CHEK1: variants seen among roughly 807,000 people sequenced by gnomAD.
CHEK1 encodes checkpoint kinase 1, also known as serine/threonine-protein kinase Chk1.
In CHEK1, 32 loss-of-function variants were observed where a neutral mutation model predicts 60.2. The ratio of observed to expected loss-of-function variants is 0.53; its 90% CI spans 0.40 to 0.71. The LOEUF is 0.71. Ranked by LOEUF, CHEK1 falls within the 30% of genes least tolerant of loss-of-function variation. The probability of loss-of-function intolerance (pLI) is 0.00; values close to 1 mark genes in which losing one functional copy is unlikely to be tolerated. For synonymous variants in CHEK1, 179 were observed against 187.2 expected (o/e 0.96, Z 0.36); for missense variants, 399 against 564.6 (o/e 0.71, Z 2.97).
intron 13 of CHEK1, among the ~76,000 whole-genome samples, chr11:125,673,466 G>A (rs1053308205): frequency 3.7e-5 from 5 of 136,168 alleles, no homozygotes; most frequent in Admixed American, 1.5e-4. Context: ...CTCCCAAAGC[G>A]CTGGGATTAC....
chr11:125,661,232 TTC>T (rs1472211740), downstream of CHEK1, among the ~76,000 whole-genome samples: 1 of 152,206 alleles, frequency 6.6e-6, no homozygotes, highest in East Asian at 1.9e-4. Flanking sequence ...TTGGATTTAT[TTC>T]TATCATCTTA....
intron 13 of CHEK1, among the ~76,000 whole-genome samples, chr11:125,664,721 G>A (rs904504675): frequency 6.6e-6 from 1 of 152,070 alleles, no homozygotes; most frequent in African/African-American, 2.4e-5. Context: ...CTCCCATTCT[G>A]TAGGTTGTCT....
At chr11:125,631,023 C>G (rs1435054140) in intron 5 of CHEK1, among the ~76,000 whole-genome samples, 1 of 152,014 alleles carries the variant, frequency 6.6e-6, no homozygotes, top group East Asian at 1.9e-4. Context: ...TCTGTTTATA[C>G]AAAGTTCAAA....
chr11:125,626,897 T>G (rs1940638286), intron 2 of CHEK1, 64 bp downstream of exon 2: 1 of 1,519,534 alleles, frequency 6.6e-7, no homozygotes, highest in African/African-American at 1.4e-5. Context: ...AGTCTCACAC[T>G]CTGGTGATTT....
chr11:125,626,575 G>A, intron 1 of CHEK1, 174 bp from the exon 2 acceptor site: 1 of 593,494 alleles, frequency 1.7e-6, no homozygotes, highest in South Asian at 2.2e-5. Flanking sequence ...ACGACAAAAT[G>A]GTCAGGTTTA....
At chr11:125,632,745 G>T (rs1261728797) in intron 5 of CHEK1, among the ~76,000 whole-genome samples, 1 of 152,112 alleles carries the variant, frequency 6.6e-6, no homozygotes, top group Non-Finnish European at 1.5e-5. Flanking sequence ...TGCCAACTGG[G>T]TTTGTTTGCT....
downstream of CHEK1, among the ~76,000 whole-genome samples, chr11:125,657,497 T>C (rs1281339703): frequency 6.6e-6 from 1 of 152,148 alleles, no homozygotes; most frequent in African/African-American, 2.4e-5. Flanking sequence ...AAATAGACTT[T>C]GGTGATAATC....
chr11:125,633,291 C>G lies in CHEK1; in HGVS notation c.553C>G (p.His185Asp). The G allele has an allele frequency of 6.2e-7, 1 of 1,606,650 alleles. No individual in the cohort carries two copies. The highest frequency in any genetic ancestry group is 1.3e-5 in the African/African-American group (1 of 74,512). ...APELLKRREF[H>D]AEPVDVWSCG... ...AGAACTTCTGAAGAGAAGAGAATTT[C>G]ATGCAGAACCAGTTGATGTTTGGTC... The change falls in exon 6 of 13, where the codon CAT becomes GAT. Residue 185 changes from histidine to aspartate, a missense_variant. Around this residue, in one of 2 missense-constraint regions of CHEK1, gnomAD observed 370 missense variants for 494.8 expected, o/e 0.75. Coordinates refer to ENST00000438015, the MANE Select transcript of CHEK1 (RefSeq NM_001114122.3).
Position 125,653,867 on chromosome 11 carries a change from T to A in CHEK1, c.1335+20T>A. On this transcript the variant is annotated intron_variant, in intron 12 of 12. Coordinates refer to ENST00000438015, the MANE Select transcript of CHEK1 (RefSeq NM_001114122.3). The surrounding 1 kb of genome is among the most constrained non-coding windows in gnomAD (Gnocchi z 4.3). ...TCTAAGGTATTTTTATGTTTTATTG[T>A]ATTCTTTCTATGGAAATATTTCTAT... The A allele has an allele frequency of 1.5e-6, 2 of 1,325,216 alleles. No individual in the cohort carries two copies. The highest frequency in any genetic ancestry group is 2.1e-6 in the Non-Finnish European group (2 of 944,246). The allele number at this position is 1,325,216 out of a possible 1,614,324, so 82.1% of individuals were successfully genotyped here.
intron 13 of CHEK1, among the ~76,000 whole-genome samples, chr11:125,668,063 A>G (rs562975494): frequency 6.6e-6 from 1 of 152,352 alleles, no homozygotes; most frequent in African/African-American, 2.4e-5. Flanking sequence ...TAGAATAAAG[A>G]CCTTCTCACA....
intron 1 of CHEK1, chr11:125,626,290 C>T: frequency 4.0e-6 from 2 of 498,880 alleles, no homozygotes; most frequent in South Asian, 2.9e-5. Context: ...TGGCCCCGCC[C>T]CGGCCTTTGG....
downstream of CHEK1, chr11:125,676,581 A>G (rs1259348297): frequency 3.8e-5 from 54 of 1,407,276 alleles, no homozygotes; most frequent in Middle Eastern, 2.0e-4. Flanking sequence ...CATGGATACT[A>G]CACATTTATT....
intron 9 of CHEK1, 81 bp from the exon 10 acceptor site, chr11:125,644,010 G>A: frequency 6.5e-7 from 1 of 1,537,706 alleles, no homozygotes; most frequent in Non-Finnish European, 8.9e-7. Flanking sequence ...CTGTAAGCAT[G>A]AGAACTTGTG....
intron 6 of CHEK1, among the ~76,000 whole-genome samples, chr11:125,635,100 G>A (rs1369764596): frequency 6.6e-6 from 1 of 152,072 alleles, no homozygotes; most frequent in Non-Finnish European, 1.5e-5. Flanking sequence ...CAGGACTACA[G>A]ATGCACACCA....
At chr11:125,639,743 T>C (rs1941210635) in intron 8 of CHEK1, among the ~76,000 whole-genome samples, 1 of 152,264 alleles carries the variant, frequency 6.6e-6, no homozygotes, top group African/African-American at 2.4e-5. Flanking sequence ...CACTGGGAAA[T>C]GAAAGCCACA....
chr11:125,656,528 A>T lies in CHEK1; in HGVS notation c.*1208A>T. The stretch of plus-strand genomic sequence containing the variant: ...AATTCAAACCTGTTTTATTTATTTG[A>T]ACCTATTTACGGTATGCTTAAGAAT... On this transcript the variant is annotated 3_prime_UTR_variant, in exon 13 of 13. Coordinates refer to ENST00000438015, the MANE Select transcript of CHEK1 (RefSeq NM_001114122.3). 4.6e-6 allele frequency: 1 copy of T among 215,266 alleles called. No homozygotes were observed. Among genetic ancestry groups the T allele is most frequent in the Non-Finnish European group, 9.4e-6 (1 of 106,832 alleles). 13.3% of individuals were successfully genotyped at this position (215,266 alleles called of 1,614,324 possible).
rs749034825 is a variant in CHEK1 at position 125,625,886 on chromosome 11, C to G, written c.-147C>G. 7 of 702,548 alleles carry G rather than the reference C, an allele frequency of 1.0e-5. No individual in the cohort carries two copies. Among genetic ancestry groups the G allele is most frequent in the Non-Finnish European group, 1.6e-5 (6 of 385,024 alleles). The allele number at this position is 702,548 out of a possible 1,614,324, so 43.5% of individuals were successfully genotyped here. On this transcript the variant is annotated 5_prime_UTR_variant, in exon 1 of 13. Coordinates refer to ENST00000438015, the MANE Select transcript of CHEK1 (RefSeq NM_001114122.3). ...GCCGCCGACATTCAGAGGGGCAGGA[C>G]ACGGGAACGCGCGCTGTCTTGCTTT...
chr11:125,639,504 G>C (rs1259207158), intron 8 of CHEK1, among the ~76,000 whole-genome samples: 1 of 148,420 alleles, frequency 6.7e-6, no homozygotes, highest in African/African-American at 2.5e-5. Context: ...AGCCACCCGA[G>C]TAGCTGGGAT....
downstream of CHEK1, among the ~76,000 whole-genome samples, chr11:125,658,850 C>T (rs1941964646): frequency 1.3e-5 from 2 of 151,924 alleles, no homozygotes; most frequent in Non-Finnish European, 2.9e-5. Context: ...CCATGCCCAG[C>T]AAATTTTTTA....
Sources: allele counts gnomAD v4.1 joint callset (sites outside exome capture counted in the v4.1 genomes callset), GRCh38; gene constraint gnomAD v4.1.1; regional missense constraint gnomAD v4.1.1; non-coding constraint Gnocchi (gnomAD v3.1); transcripts MANE v1.5; gene names NCBI Gene and HGNC (gene_info 2026-07-23, HGNC 2026-07-21).